The following ZNF385D variants were observed in gnomAD, a reference collection of about 807,000 sequenced individuals.
The protein encoded by ZNF385D is zinc finger protein 385D, also known as zinc finger protein 659.
ZNF385D carries 15 observed loss-of-function variants against 35.8 expected under a neutral mutation model. The ratio of observed to expected loss-of-function variants is 0.42; its 90% CI spans 0.28 to 0.64. The LOEUF (loss-of-function observed/expected upper bound fraction) is 0.64. Ranked by LOEUF, ZNF385D falls within the 30% of genes least tolerant of loss-of-function variation. The pLI, the probability that ZNF385D is intolerant of heterozygous loss-of-function variation, is 0.23. For missense variants in ZNF385D, 474 were observed against 494.6 expected, an observed-to-expected ratio of 0.96 and a Z score of 0.39; for synonymous variants, 212 against 186.8, an observed-to-expected ratio of 1.13 and a Z score of -1.10.
At chr3:22,146,515 A>T (rs1373083227) in intron 3 of ZNF385D, among the ~76,000 whole-genome samples, 1 of 152,178 alleles carries the variant, frequency 6.6e-6, no homozygotes, top group Non-Finnish European at 1.5e-5. Context: ...ATTAAATATT[A>T]TACCATGTAT....
rs1235204220 is a variant in ZNF385D at position 22,120,279 on chromosome 3, G to A, written c.325+48538C>T. ...GATAGAAGTCTAAACTTCAGGTGTT[G>A]GAAGTTTGGTTTCTCCTTTGGCCTC... On this transcript the variant is annotated intron_variant, in intron 3 of 5. Coordinates refer to the ZNF385D transcript ENST00000494108. 5.3e-5 allele frequency among the ~76,000 whole-genome samples: 8 copies of A among 152,046 alleles called. No homozygotes were observed. The East Asian group carries it at 1.6e-3, about 30-fold the overall frequency.
intron 3 of ZNF385D, among the ~76,000 whole-genome samples, chr3:21,937,175 A>G (rs768145230): frequency 1.3e-5 from 2 of 152,206 alleles, no homozygotes; most frequent in Non-Finnish European, 2.9e-5. Context: ...CAATCAAAGT[A>G]TAGTATGATA....
chr3:21,678,483 A>G (rs952606131), intron 1 of ZNF385D, among the ~76,000 whole-genome samples: 4 of 152,066 alleles, frequency 2.6e-5, no homozygotes, highest in African/African-American at 9.7e-5. Context: ...AAGTGACCTA[A>G]TCACTGTAAA....
Position 22,039,991 on chromosome 3 carries a change from A to C in ZNF385D, c.325+128826T>G, listed in dbSNP as rs141249813. On this transcript the variant is annotated intron_variant, in intron 3 of 5. Transcript: ENST00000494108. ...AGAAACAAGGAGGATCATGAGGCTG[A>C]ATATTTGGCCTCCTGCTCCCGCCAT... Among the ~76,000 whole-genome samples the C allele has an allele frequency of 3.0e-3, 450 of 152,272 alleles. 2 individuals carry two copies. The highest frequency in any genetic ancestry group is 0.01 in the African/African-American group (426 of 41,556).
intron 3 of ZNF385D, among the ~76,000 whole-genome samples, chr3:21,513,004 T>C (rs1179867060): frequency 1.3e-5 from 2 of 152,088 alleles, no homozygotes; most frequent in Middle Eastern, 3.2e-3. Flanking sequence ...TATTAAAAGA[T>C]GGGGGGTGAG....
intron 3 of ZNF385D, among the ~76,000 whole-genome samples, chr3:22,136,709 G>C (rs1017437361): frequency 6.6e-6 from 1 of 152,042 alleles, no homozygotes; most frequent in African/African-American, 2.4e-5. Context: ...TAGGAGTATG[G>C]ATAAGCAAAT....
intron 1 of ZNF385D, among the ~76,000 whole-genome samples, chr3:21,689,825 C>A (rs1055795171): frequency 1.3e-5 from 2 of 150,514 alleles, no homozygotes; most frequent in African/African-American, 4.9e-5. Flanking sequence ...CCTTGAGGAT[C>A]ACTGCCCTAA....
chr3:22,367,157 C>T (rs1696693223), intron 2 of ZNF385D, among the ~76,000 whole-genome samples: 1 of 152,150 alleles, frequency 6.6e-6, no homozygotes, highest in South Asian at 2.1e-4. Context: ...TTATGCCTTA[C>T]TAGGTACTAG....
chr3:21,608,012 C>CTTCTTTTTTTTT (rs2064536095), intron 2 of ZNF385D, among the ~76,000 whole-genome samples: 9 of 123,952 alleles, frequency 7.3e-5, no homozygotes, highest in African/African-American at 2.5e-4. Context: ...TCTTTTTCTT[C>CTTCTTTTTTTTT]TTTTTTTTTT....
intron 2 of ZNF385D, among the ~76,000 whole-genome samples, chr3:22,263,685 T>C (rs1358935917): frequency 6.6e-6 from 1 of 151,996 alleles, no homozygotes; most frequent in Non-Finnish European, 1.5e-5. Context: ...AATGAACAAA[T>C]GAATAAGAAT....
intron 2 of ZNF385D, among the ~76,000 whole-genome samples, chr3:22,213,182 A>G (rs1340473208): frequency 6.6e-6 from 1 of 152,118 alleles, no homozygotes; most frequent in African/African-American, 2.4e-5. Flanking sequence ...ATAATGTCAT[A>G]GTTTGGCTTA....
At chr3:22,237,295 A>T (rs1055111452) in intron 2 of ZNF385D, among the ~76,000 whole-genome samples, 1 of 152,136 alleles carries the variant, frequency 6.6e-6, no homozygotes, top group Non-Finnish European at 1.5e-5. Flanking sequence ...GCATCTTTTC[A>T]TGTGCCTACT....
intron 2 of ZNF385D, among the ~76,000 whole-genome samples, chr3:21,658,682 A>G (rs1354637645): frequency 2.6e-5 from 4 of 152,058 alleles, no homozygotes; most frequent in Admixed American, 6.6e-5. Context: ...TTACCTTAAT[A>G]AAAAATATGC....
At chr3:21,544,373 GT>G (rs2062297957) in intron 3 of ZNF385D, among the ~76,000 whole-genome samples, 1 of 152,178 alleles carries the variant, frequency 6.6e-6, no homozygotes, top group Admixed American at 6.5e-5. Flanking sequence ...ATTGCTAGGA[GT>G]TTATCGACAT....
intron 3 of ZNF385D, among the ~76,000 whole-genome samples, chr3:22,001,982 CA>C (rs1695870981): frequency 3.3e-5 from 5 of 151,566 alleles, no homozygotes; most frequent in Admixed American, 3.3e-4. Flanking sequence ...ATGGCTATAT[CA>C]AAGAAGTAGA....
At chr3:21,949,711 C>T (rs1478338650) in intron 3 of ZNF385D, among the ~76,000 whole-genome samples, 1 of 152,028 alleles carries the variant, frequency 6.6e-6, no homozygotes, top group Non-Finnish European at 1.5e-5. Context: ...CCCCTAGTCC[C>T]TCACCAGCCA....
At chr3:21,492,096 A>T (rs936929681) in intron 4 of ZNF385D, among the ~76,000 whole-genome samples, 1 of 152,144 alleles carries the variant, frequency 6.6e-6, no homozygotes, top group African/African-American at 2.4e-5. Flanking sequence ...CCAGGAAGTG[A>T]CACATTATAA....
chr3:22,249,256 A>G (rs186570213), intron 2 of ZNF385D, among the ~76,000 whole-genome samples: 1 of 152,270 alleles, frequency 6.6e-6, no homozygotes, highest in East Asian at 1.9e-4. Context: ...TTTACATTGC[A>G]ATACACAACC....
chr3:22,198,117 G>C (rs909409348), intron 2 of ZNF385D, among the ~76,000 whole-genome samples: 2 of 152,024 alleles, frequency 1.3e-5, no homozygotes, highest in Non-Finnish European at 2.9e-5. Context: ...ATGGAGAACA[G>C]ACACAGAAAC....
Sources: allele counts gnomAD v4.1 joint callset (sites outside exome capture counted in the v4.1 genomes callset), GRCh38; gene constraint gnomAD v4.1.1; transcripts MANE v1.5; gene names NCBI Gene and HGNC (gene_info 2026-07-23, HGNC 2026-07-21).